GFRA1: variants seen among roughly 807,000 people sequenced by gnomAD.
GFRA1 encodes GDNF family receptor alpha 1.
GFRA1 carries 16 observed loss-of-function variants against 51.6 expected under a neutral mutation model. That is an observed-to-expected ratio of 0.31 (90% CI 0.21 to 0.47). The LOEUF (loss-of-function observed/expected upper bound fraction) is 0.47, where lower values mean the gene tolerates loss of function less well. GFRA1 is among the 20% of genes least tolerant of loss of function. GFRA1 has a pLI of 1.00. For missense variants in GFRA1, 530 were observed against 594.3 expected (o/e 0.89, Z 1.13); for synonymous variants, 270 against 241.3 (o/e 1.12, Z -1.10).
intron 5 of GFRA1, among the ~76,000 whole-genome samples, chr10:116,180,688 C>T (rs1962129191): frequency 6.6e-6 from 1 of 152,118 alleles, no homozygotes; most frequent in South Asian, 2.1e-4. Context: ...CCTTCTATCC[C>T]TTTCTTTCAT....
intron 5 of GFRA1, among the ~76,000 whole-genome samples, chr10:116,147,549 G>C (rs1034000871): frequency 7.9e-5 from 8 of 100,744 alleles, no homozygotes; most frequent in African/African-American, 2.6e-4. Flanking sequence ...CTAGCGCCTA[G>C]TGTGACTCTG....
chr10:116,163,378 C>G (rs1275651199), intron 5 of GFRA1, among the ~76,000 whole-genome samples: 1 of 152,190 alleles, frequency 6.6e-6, no homozygotes, highest in East Asian at 1.9e-4. Context: ...TGCAGACAAG[C>G]CTTTTTGTTC....
intron 5 of GFRA1, among the ~76,000 whole-genome samples, chr10:116,181,787 G>A (rs550951739): frequency 6.6e-6 from 1 of 152,198 alleles, no homozygotes; most frequent in East Asian, 1.9e-4. Flanking sequence ...ACAGGCGCCC[G>A]CGCCCGCTAC....
chr10:116,216,399 G>C (rs542021287), intron 4 of GFRA1, among the ~76,000 whole-genome samples: 1 of 152,142 alleles, frequency 6.6e-6, no homozygotes. Flanking sequence ...CTGGATGGCA[G>C]TCTTATTGCC....
At chr10:116,237,890 C>T (rs1967021613) in intron 4 of GFRA1, among the ~76,000 whole-genome samples, 1 of 152,166 alleles carries the variant, frequency 6.6e-6, no homozygotes, top group African/African-American at 2.4e-5. Flanking sequence ...TTCCTAGGGG[C>T]AAACAACACC....
At chr10:116,153,274 G>T (rs1959129727) in intron 5 of GFRA1, among the ~76,000 whole-genome samples, 1 of 152,212 alleles carries the variant, frequency 6.6e-6, no homozygotes, top group Non-Finnish European at 1.5e-5. Context: ...AACAAAGAAT[G>T]AAGCATTTCC....
At chr10:116,182,288 A>C (rs1962311999) in intron 5 of GFRA1, among the ~76,000 whole-genome samples, 1 of 152,240 alleles carries the variant, frequency 6.6e-6, no homozygotes, top group Non-Finnish European at 1.5e-5. Context: ...TAATTAATAC[A>C]GCAACTAACT....
rs891811088 is a variant in GFRA1 at position 116,112,535 on chromosome 10, C to T, written c.770+12686G>A. 4.6e-5 allele frequency among the ~76,000 whole-genome samples: 7 copies of T among 152,330 alleles called. No homozygotes were observed. The East Asian group carries it at 1.4e-3, about 29-fold the overall frequency. ...CTGTGGCACTCTCCCCAAGCCCCTA[C>T]TTGGTAAGAGAAAAGCTCCACTGAA... On this transcript the variant is annotated intron_variant, in intron 6 of 10. Transcript: ENST00000355422.
chr10:116,077,808 G>A (rs945914073), intron 9 of GFRA1, among the ~76,000 whole-genome samples: 10 of 152,170 alleles, frequency 6.6e-5, no homozygotes, highest in African/African-American at 2.2e-4. Context: ...GGCTGGGGGG[G>A]ACAGCTTGTC....
intron 5 of GFRA1, among the ~76,000 whole-genome samples, chr10:116,189,989 G>A (rs1963103242): frequency 1.3e-5 from 2 of 151,998 alleles, no homozygotes; most frequent in Admixed American, 1.3e-4. Flanking sequence ...CCGGCCTGAT[G>A]AGAGCCCCAG....
At chr10:116,224,596 A>G (rs1402204424) in intron 4 of GFRA1, among the ~76,000 whole-genome samples, 1 of 152,192 alleles carries the variant, frequency 6.6e-6, no homozygotes, top group Non-Finnish European at 1.5e-5. Context: ...AGACACAAAG[A>G]CCACGTATTG....
chr10:116,105,245 A>C (rs1470921011), intron 6 of GFRA1, among the ~76,000 whole-genome samples: 1 of 152,198 alleles, frequency 6.6e-6, no homozygotes, highest in Non-Finnish European at 1.5e-5. Flanking sequence ...TTATCCAATA[A>C]GTCTTTTATA....
intron 6 of GFRA1, among the ~76,000 whole-genome samples, chr10:116,097,548 G>A (rs570802830): frequency 9.3e-4 from 142 of 152,278 alleles, no homozygotes; most frequent in African/African-American, 3.1e-3. Flanking sequence ...CAGACACGCT[G>A]GTCTGCGGAG....
At chr10:116,075,451 G>T (rs1219907307) in intron 9 of GFRA1, among the ~76,000 whole-genome samples, 1 of 152,124 alleles carries the variant, frequency 6.6e-6, no homozygotes, top group African/African-American at 2.4e-5. Flanking sequence ...GAGTTACTGT[G>T]ATGAAGGATT....
chr10:116,208,476 G>A (rs1589874031), intron 5 of GFRA1, among the ~76,000 whole-genome samples: 1 of 152,098 alleles, frequency 6.6e-6, no homozygotes, highest in African/African-American at 2.4e-5. Flanking sequence ...TGTTTGAGGG[G>A]TATGGCAAAT....
chr10:116,099,036 A>G (rs11197531), intron 6 of GFRA1, among the ~76,000 whole-genome samples: 13,994 of 152,188 alleles, frequency 0.092, 746 homozygotes, highest in African/African-American at 0.15. Flanking sequence ...TAAAACACTA[A>G]CATTTCCACG....
At chr10:116,207,218 TC>T (rs1007938014) in intron 5 of GFRA1, among the ~76,000 whole-genome samples, 7 of 152,192 alleles carry the variant, frequency 4.6e-5, no homozygotes, top group Non-Finnish European at 8.8e-5. Context: ...CTGGCCAAAC[TC>T]CCCCTGCAAA....
intron 4 of GFRA1, among the ~76,000 whole-genome samples, chr10:116,266,049 G>T (rs1180702255): frequency 6.6e-6 from 1 of 151,988 alleles, no homozygotes; most frequent in Non-Finnish European, 1.5e-5. Context: ...CCTTATTTTT[G>T]TTCTCCTTCT....
At chr10:116,171,944 C>A (rs545617459) in intron 5 of GFRA1, among the ~76,000 whole-genome samples, 11 of 152,294 alleles carry the variant, frequency 7.2e-5, no homozygotes, top group African/African-American at 2.6e-4. Flanking sequence ...CCGATACAAT[C>A]ATTGCATGCC....
Sources: gnomAD v4.1 joint callset for allele counts (sites outside exome capture counted in the v4.1 genomes callset) on GRCh38, gnomAD v4.1.1 for gene constraint, MANE v1.5 for transcripts, NCBI Gene and HGNC (gene_info 2026-07-23, HGNC 2026-07-21) for gene names.